REEP1: variants seen among roughly 807,000 people sequenced by gnomAD.
The protein encoded by REEP1 is receptor expression-enhancing protein 1.
A neutral mutation model predicts 40.3 loss-of-function variants in REEP1; 22 were observed. The observed-to-expected ratio is 0.55, with a 90% CI of 0.39 to 0.78. REEP1 has a LOEUF of 0.78. Among genes scored for constraint, REEP1 ranks in the 30% least tolerant of loss-of-function variants. The probability of loss-of-function intolerance (pLI) is 0.00; values close to 1 mark genes in which losing one functional copy is unlikely to be tolerated. For synonymous variants in REEP1, 116 were observed against 139.2 expected, an observed-to-expected ratio of 0.83 and a Z score of 1.17; for missense variants, 280 against 361.1, an observed-to-expected ratio of 0.78 and a Z score of 1.82.
chr2:86,310,871 A>C (rs149800950), intron 1 of REEP1, among the ~76,000 whole-genome samples: 1 of 152,358 alleles, frequency 6.6e-6, no homozygotes, highest in Non-Finnish European at 1.5e-5. Context: ...AAGTTAAAAG[A>C]AACAAATCTA....
intron 7 of REEP1, among the ~76,000 whole-genome samples, chr2:86,224,094 C>A (rs1260826190): frequency 6.6e-6 from 1 of 152,176 alleles, no homozygotes; most frequent in East Asian, 1.9e-4. Context: ...AGCTCTGTCA[C>A]TGCCCTAAAA....
chr2:86,296,179 A>G (rs1387320219), intron 1 of REEP1, among the ~76,000 whole-genome samples: 1 of 152,166 alleles, frequency 6.6e-6, no homozygotes, highest in East Asian at 1.9e-4. Context: ...CACTTTGGGG[A>G]AAAAAAGTTA....
intron 7 of REEP1, among the ~76,000 whole-genome samples, chr2:86,225,423 C>T (rs1485231630): frequency 6.6e-6 from 1 of 152,200 alleles, no homozygotes; most frequent in Non-Finnish European, 1.5e-5. Context: ...AGGCATGTGC[C>T]ACCTCACCCG....
rs1674100723 is a variant in REEP1 at position 86,216,120 on chromosome 2, T to C, written c.*919A>G. On this transcript the variant is annotated 3_prime_UTR_variant, in exon 9 of 9. Coordinates refer to ENST00000538924, the MANE Select transcript of REEP1 (RefSeq NM_001371279.1). ...AGGAAATCGGCAGCACTGGTCACGA[T>C]AAAGGAGAAATCGTCCTTTGTCAAG... The C allele has an allele frequency of 6.6e-6, 1 of 152,230 alleles. No individual in the cohort carries two copies. Among genetic ancestry groups the C allele is most frequent in the South Asian group, 2.1e-4 (1 of 4,836 alleles). The allele number at this position is 152,230 out of a possible 1,614,324, so 9.4% of individuals were successfully genotyped here.
intron 5 of REEP1, 63 bp from the exon 6 acceptor site, chr2:86,232,865 G>T: frequency 6.6e-7 from 1 of 1,507,318 alleles, no homozygotes; most frequent in Non-Finnish European, 9.0e-7. Context: ...ACTCGACAAA[G>T]GCCAAGAGGG....
chr2:86,292,785 C>A lies in REEP1; in HGVS notation c.33-10543G>T, dbSNP rs919902865. ...TTGAGATTGACTGGCAGGTGGTCAGCGGGTATCTGTGGGGTTTTCTGGGGA... is the reference window on the plus strand; with the variant it reads ...TTGAGATTGACTGGCAGGTGGTCAGAGGGTATCTGTGGGGTTTTCTGGGGA... On this transcript the variant is annotated intron_variant, in intron 1 of 8. Coordinates refer to ENST00000538924, the MANE Select transcript of REEP1 (RefSeq NM_001371279.1). 2.0e-5 allele frequency among the ~76,000 whole-genome samples: 3 copies of A among 152,102 alleles called. 1 individual carries two copies. Among genetic ancestry groups the A allele is most frequent in the South Asian group, 4.1e-4 (2 of 4,826 alleles).
intron 8 of REEP1, among the ~76,000 whole-genome samples, chr2:86,218,507 A>G (rs1393383483): frequency 1.3e-5 from 2 of 152,264 alleles, no homozygotes; most frequent in African/African-American, 4.8e-5. Context: ...CTGGACAGAC[A>G]CTGAAAACGG....
At chr2:86,296,131 C>T (rs1678971782) in intron 1 of REEP1, among the ~76,000 whole-genome samples, 1 of 152,194 alleles carries the variant, frequency 6.6e-6, no homozygotes, top group Admixed American at 6.5e-5. Context: ...GAAGAATGTC[C>T]TATTATCCAG....
At chr2:86,230,801 C>T (rs185505989) in intron 6 of REEP1, among the ~76,000 whole-genome samples, 74 of 152,270 alleles carry the variant, frequency 4.9e-4, no homozygotes, top group Admixed American at 1.1e-3. Flanking sequence ...AAATAGCTCG[C>T]CCGGGTCATG....
At chr2:86,321,737 T>A (rs1452985950) in intron 1 of REEP1, among the ~76,000 whole-genome samples, 1 of 152,198 alleles carries the variant, frequency 6.6e-6, no homozygotes, top group East Asian at 1.9e-4. Flanking sequence ...TTAGATAAAA[T>A]ATAATATCAT....
chr2:86,278,839 G>A (rs997310123), intron 2 of REEP1, among the ~76,000 whole-genome samples: 1 of 152,072 alleles, frequency 6.6e-6, no homozygotes, highest in African/African-American at 2.4e-5. Context: ...CCAGTTCCTG[G>A]GTATCTTTCT....
chr2:86,244,382 T>A (rs1293485803), intron 5 of REEP1, among the ~76,000 whole-genome samples: 1 of 151,842 alleles, frequency 6.6e-6, no homozygotes, highest in Non-Finnish European at 1.5e-5. Flanking sequence ...AGTGGGAAAA[T>A]TTTTTTTAAG....
intron 1 of REEP1, among the ~76,000 whole-genome samples, chr2:86,309,670 T>C (rs1679669949): frequency 6.6e-6 from 1 of 152,176 alleles, no homozygotes; most frequent in South Asian, 2.1e-4. Flanking sequence ...CAGCCAGCTT[T>C]TGGCTGTGTC....
intron 3 of REEP1, among the ~76,000 whole-genome samples, chr2:86,259,405 G>A (rs1676738374): frequency 6.8e-6 from 1 of 147,384 alleles, no homozygotes; most frequent in African/African-American, 2.5e-5. Context: ...TTATTTTTTT[G>A]AGACAGAGTT....
At chr2:86,262,807 A>G (rs1425502379) in intron 3 of REEP1, among the ~76,000 whole-genome samples, 3 of 152,234 alleles carry the variant, frequency 2.0e-5, no homozygotes, top group Non-Finnish European at 4.4e-5. Context: ...TATATTTTCC[A>G]CACTACTTTT....
chr2:86,330,099 T>G (rs1010001281), intron 1 of REEP1, among the ~76,000 whole-genome samples: 1 of 152,166 alleles, frequency 6.6e-6, no homozygotes, highest in Non-Finnish European at 1.5e-5. Context: ...CCTCCTTTCT[T>G]GACTCACGAA....
Position 86,282,226 on chromosome 2 carries a change from G to T in REEP1, c.49C>A (p.Leu17Ile), listed in dbSNP as rs1553465460. The T allele has an allele frequency of 1.9e-6, 3 of 1,608,042 alleles. No homozygotes were observed. The highest frequency in any genetic ancestry group is 2.2e-5 in the South Asian group (2 of 90,968). Residue 17 changes from leucine to isoleucine, a missense_variant, in exon 2 of 9, where the codon CTT becomes ATT. This residue lies in a region of REEP1 where 68 missense variants were observed against 83.7 expected (regional missense o/e 0.81). Transcript: ENST00000538924. ...TTGTAGGAATAATACGCAGGGTAAA[G>T]GGTGCCAAATATAAGCCTGGAGGGA... Reference protein sequence around the residue: ...SRLVVLIFGTLYPAYYSYKAV... With the variant: ...SRLVVLIFGTIYPAYYSYKAV...
In REEP1 at chr2:86,337,440, GGGAGGGGAC is replaced by G; in HGVS notation, c.32+30_32+38del. 8.2e-7 allele frequency: 1 copy of G among 1,223,156 alleles called. No homozygotes were observed. Among genetic ancestry groups the G allele is most frequent in the Non-Finnish European group, 1.0e-6 (1 of 973,628 alleles). 75.8% of individuals were successfully genotyped at this position (1,223,156 alleles called of 1,614,324 possible). A position where few individuals can be genotyped will look rare whatever the true frequency, so the allele number is the denominator to read the frequency against. ...CGCAGCCCGGGGCCGGGGGCGGGGA[GGGAGGGGAC>G]GGAGGGGCGCGGGGGAGAAGGCCAC... On this transcript the variant is annotated intron_variant, in intron 1 of 8. Transcript: ENST00000538924. The surrounding 1 kb of genome is among the most constrained non-coding windows in gnomAD (Gnocchi z 5.8).
intron 7 of REEP1, 33 bp from the exon 8 acceptor site, chr2:86,220,154 A>T (rs1190023272): frequency 8.2e-7 from 1 of 1,222,142 alleles, no homozygotes. Context: ...CACAGATGAG[A>T]CAAGGTATAG....
Sources: gnomAD v4.1 joint callset for allele counts (sites outside exome capture counted in the v4.1 genomes callset) on GRCh38, gnomAD v4.1.1 for gene constraint, gnomAD v4.1.1 regional missense constraint, Gnocchi (gnomAD v3.1) non-coding constraint, MANE v1.5 for transcripts, NCBI Gene and HGNC (gene_info 2026-07-23, HGNC 2026-07-21) for gene names.